Variants in AGPAT1 observed in about 807,000 individuals in gnomAD.
AGPAT1 encodes the protein 1-acyl-sn-glycerol-3-phosphate acyltransferase alpha.
A neutral mutation model predicts 31.2 loss-of-function variants in AGPAT1; 6 were observed. The ratio of observed to expected loss-of-function variants is 0.19; its 90% confidence interval spans 0.11 to 0.38. The LOEUF is 0.38. AGPAT1 is among the 10% of genes least tolerant of loss of function. The pLI, the probability that AGPAT1 is intolerant of heterozygous loss-of-function variation, is 1.00. For missense variants in AGPAT1, 187 were observed against 377.8 expected (o/e 0.49, Z 4.19); for synonymous variants, 139 against 154.0 (o/e 0.90, Z 0.72).
rs534240411 is a variant in AGPAT1, at chr6:32,170,907, G to A, written c.334+30C>T. ...GGTTTCAGGAGGGGAGGCATGGCTG[G>A]GGGAGGTGTGCCCTGTGGTGGGGTC... On this transcript the variant is annotated intron_variant, in intron 3 of 6. Coordinates refer to ENST00000375107, the MANE Select transcript of AGPAT1 (RefSeq NM_006411.4). This position sits in a 1 kb window ranked among gnomAD's most constrained non-coding sequence, Gnocchi z 7.7. The A allele has an allele frequency of 1.3e-6, 2 of 1,595,168 alleles. No individual in the cohort carries two copies. The highest frequency in any genetic ancestry group is 1.7e-6 in the Non-Finnish European group (2 of 1,167,168).
upstream of AGPAT1, chr6:32,176,576 C>T (rs1785583614): frequency 5.2e-6 from 5 of 967,880 alleles, no homozygotes; most frequent in Non-Finnish European, 6.1e-6. Context: ...CTCCATCTCA[C>T]TCTCCAGTCC....
In AGPAT1 at chr6:32,169,626, T is replaced by G. The variant is rs868556235; in HGVS notation, c.680-178A>C. 2.2e-5 allele frequency: 16 copies of G among 722,980 alleles called. No individual in the cohort carries two copies. The highest frequency in any genetic ancestry group is 2.2e-6 in the Non-Finnish European group (1 of 447,946). The allele number at this position is 722,980 out of a possible 1,614,324, so 44.8% of individuals were successfully genotyped here. ...GGCCCTTCTCCTATACAAAGCCTTC[T>G]CCAATCCCCAGTTCAGACATCTCCT... On this transcript the variant is annotated intron_variant, in intron 6 of 6. Transcript: ENST00000375107. The surrounding 1 kb of genome is among the most constrained non-coding windows in gnomAD (Gnocchi z 5.9).
rs1172106664 is a variant in AGPAT1, at chr6:32,170,652, G to A, written c.335-52C>T. ...ATCGGGGTGGAGGCAGAGTGTCACA[G>A]AAGGCAACCCACCTCACCCAGCTCA... On this transcript the variant is annotated intron_variant, in intron 3 of 6. Transcript: ENST00000375107. This position sits in a 1 kb window ranked among gnomAD's most constrained non-coding sequence, Gnocchi z 7.7. 1 of 1,587,992 alleles carries A rather than the reference G, an allele frequency of 6.3e-7. No homozygotes were observed. Among genetic ancestry groups the A allele is most frequent in the East Asian group, 2.2e-5 (1 of 44,762 alleles).
rs1196447090 is a variant in AGPAT1 at position 32,172,418 on chromosome 6, TA to T, written c.-9-914del. On this transcript the variant is annotated intron_variant, in intron 1 of 6. Coordinates refer to ENST00000375107, the MANE Select transcript of AGPAT1 (RefSeq NM_006411.4). The surrounding 1 kb of genome is among the most constrained non-coding windows in gnomAD (Gnocchi z 4.3). ...TTGCCTTGTAAAAATGTGGCTACCA[TA>T]AAAAAATTACATTGTGGCTTGCATT... Among the ~76,000 whole-genome samples, 4 of 151,938 alleles carry T rather than the reference TA, an allele frequency of 2.6e-5. No individual in the cohort carries two copies. Among genetic ancestry groups the T allele is most frequent in the Non-Finnish European group, 5.9e-5 (4 of 67,936 alleles).
In AGPAT1 at chr6:32,175,831, C is replaced by A; in HGVS notation, c.-27G>T. On this transcript the variant is annotated 5_prime_UTR_variant, in exon 1 of 7. Coordinates refer to ENST00000375107, the MANE Select transcript of AGPAT1 (RefSeq NM_006411.4). The surrounding 1 kb of genome is among the most constrained non-coding windows in gnomAD (Gnocchi z 4.5). Reference sequence around the variant, plus strand: ...GCCCACACCTCAGAGGGGTAGGGGGCCTGGGGGGCTGGCCCCCTCCCCAGC... The same window carrying A: ...GCCCACACCTCAGAGGGGTAGGGGGACTGGGGGGCTGGCCCCCTCCCCAGC... 2 of 986,066 alleles carry A rather than the reference C, an allele frequency of 2.0e-6. No individual in the cohort carries two copies. The highest frequency in any genetic ancestry group is 1.7e-5 in the African/African-American group (1 of 57,350). 61.1% of individuals were successfully genotyped at this position (986,066 alleles called of 1,614,324 possible). A position where few individuals can be genotyped will look rare whatever the true frequency, so the allele number is the denominator to read the frequency against.
chr6:32,177,044 CT>C (rs1785624847), upstream of AGPAT1: 5 of 398,650 alleles, frequency 1.3e-5, no homozygotes, highest in East Asian at 3.6e-5. Flanking sequence ...CAATATCTTC[CT>C]TCCTAAACCT....
Position 32,169,261 on chromosome 6 carries a change from G to A in AGPAT1, c.*15C>T, listed in dbSNP as rs372295310. 153 of 1,611,250 alleles carry A rather than the reference G, an allele frequency of 9.5e-5. No homozygotes were observed. The highest frequency in any genetic ancestry group is 1.3e-4 in the Non-Finnish European group (148 of 1,178,994). On this transcript the variant is annotated 3_prime_UTR_variant, in exon 7 of 7. Coordinates refer to ENST00000375107, the MANE Select transcript of AGPAT1 (RefSeq NM_006411.4). The surrounding 1 kb of genome is among the most constrained non-coding windows in gnomAD (Gnocchi z 5.9). ...GAAGATGGGGACAGATGGGAGGAGA[G>A]CTCAGAGCCAGGGTTCACCCACCGC...
In AGPAT1 at chr6:32,168,252, A is replaced by G. The variant is rs1802036; in HGVS notation, c.*1024T>C. On this transcript the variant is annotated 3_prime_UTR_variant, in exon 7 of 7. Coordinates refer to ENST00000375107, the MANE Select transcript of AGPAT1 (RefSeq NM_006411.4). This position sits in a 1 kb window ranked among gnomAD's most constrained non-coding sequence, Gnocchi z 4.5. ...ATTTTCAGTTTTTTTGCTGTTATCC[A>G]GATAATTAATAAAAACCAACCACGC... is the stretch of plus-strand genomic sequence containing the variant. The G allele has an allele frequency of 0.027, 11,318 of 424,496 alleles. 229 individuals carry two copies. The highest frequency in any genetic ancestry group is 0.049 in the South Asian group (1,001 of 20,332). The allele number at this position is 424,496 out of a possible 1,614,324, so 26.3% of individuals were successfully genotyped here. A position where few individuals can be genotyped will look rare whatever the true frequency, so the allele number is the denominator to read the frequency against.
In AGPAT1 at chr6:32,171,610, C is replaced by A. The variant is rs1785112695; in HGVS notation, c.-9-105G>T. ...GGGGCTGGTGCTATGAGGACAAGGG[C>A]CTGAGACACAAACTGGGGCAGGGGT... On this transcript the variant is annotated intron_variant, in intron 1 of 6. Transcript: ENST00000375107. The surrounding 1 kb of genome is among the most constrained non-coding windows in gnomAD (Gnocchi z 6.9). 2.8e-6 allele frequency: 4 copies of A among 1,438,550 alleles called. No homozygotes were observed. The highest frequency in any genetic ancestry group is 3.7e-6 in the Non-Finnish European group (4 of 1,072,588). 89.1% of individuals were successfully genotyped at this position (1,438,550 alleles called of 1,614,324 possible).
Position 32,171,711 on chromosome 6 carries a change from C to G in AGPAT1, c.-9-206G>C. ...AGAGCTCAGGACTGCTCTCCCACCACTCTTCCCAAAGGCTCCGGATATATT... is the reference window on the plus strand; with the variant it reads ...AGAGCTCAGGACTGCTCTCCCACCAGTCTTCCCAAAGGCTCCGGATATATT... On this transcript the variant is annotated intron_variant, in intron 1 of 6. Transcript: ENST00000375107. This position sits in a 1 kb window ranked among gnomAD's most constrained non-coding sequence, Gnocchi z 6.9. 1.6e-6 allele frequency: 1 copy of G among 637,158 alleles called. No individual in the cohort carries two copies. The allele number at this position is 637,158 out of a possible 1,614,324, so 39.5% of individuals were successfully genotyped here.
rs1387413803 is a variant in AGPAT1 at position 32,170,716 on chromosome 6, A to G, written c.335-116T>C. On this transcript the variant is annotated intron_variant, in intron 3 of 6. Transcript: ENST00000375107. The surrounding 1 kb of genome is among the most constrained non-coding windows in gnomAD (Gnocchi z 7.7). ...GGGACTGGAGGTGAAGGAGGAGACTAGGCAGGGAGGGGGGCCCCAAGTGAA... is the reference window on the plus strand; with the variant it reads ...GGGACTGGAGGTGAAGGAGGAGACTGGGCAGGGAGGGGGGCCCCAAGTGAA... The G allele has an allele frequency of 5.7e-6, 8 of 1,398,498 alleles. No individual in the cohort carries two copies. Among genetic ancestry groups the G allele is most frequent in the Non-Finnish European group, 8.0e-6 (8 of 1,005,372 alleles). 86.6% of individuals were successfully genotyped at this position (1,398,498 alleles called of 1,614,324 possible).
In AGPAT1 at chr6:32,173,948, G is replaced by A. The variant is rs1021318744; in HGVS notation, c.-10+1866C>T. On this transcript the variant is annotated intron_variant, in intron 1 of 6. Transcript: ENST00000375107. The surrounding 1 kb of genome is among the most constrained non-coding windows in gnomAD (Gnocchi z 4.7). ...GCTGGTTTTGAACTCCTGGACTCAC[G>A]CGATCCTCCTGCCTCAGCCTTCCAA... 7.2e-5 allele frequency among the ~76,000 whole-genome samples: 11 copies of A among 152,132 alleles called. No homozygotes were observed. Among genetic ancestry groups the A allele is most frequent in the African/African-American group, 2.7e-4 (11 of 41,424 alleles).
chr6:32,176,254 C>T (rs1785545428), upstream of AGPAT1: 2 of 684,504 alleles, frequency 2.9e-6, no homozygotes, highest in African/African-American at 3.9e-5. Flanking sequence ...CTCCCTCGGT[C>T]TTTGCCCCCA....
In AGPAT1 at chr6:32,169,419, C is replaced by T; in HGVS notation, c.709G>A (p.Val237Met). 6.2e-7 allele frequency: 1 copy of T among 1,612,670 alleles called. No individual in the cohort carries two copies. Among genetic ancestry groups the T allele is most frequent in the African/African-American group, 1.3e-5 (1 of 75,058 alleles). The change falls in exon 7 of 7, where the codon GTG (valine) becomes ATG (methionine). Residue 237 changes from valine (V) to methionine (M), a missense_variant. Val to Met is a conservative substitution (Grantham distance 21, BLOSUM62 1). Coordinates refer to ENST00000375107, the MANE Select transcript of AGPAT1 (RefSeq NM_006411.4). This position sits in a 1 kb window ranked among gnomAD's most constrained non-coding sequence, Gnocchi z 5.9. ...TCTGGTGTCAGCCCTTCCGTGGGCA[C>T]TGGGGGCAGCACCCGCACCTGACAT... ...GQCQVRVLPP[V>M]PTEGLTPDDV...
rs1784838551 is a variant in AGPAT1, at chr6:32,169,313, C to G, written c.815G>C (p.Gly272Ala). Residue 272 changes from glycine (G) to alanine (A), a missense_variant, in exon 7 of 7, where the codon GGT becomes GCT. Coordinates refer to ENST00000375107, the MANE Select transcript of AGPAT1 (RefSeq NM_006411.4). This position sits in a 1 kb window ranked among gnomAD's most constrained non-coding sequence, Gnocchi z 5.9. ...CCCAGGCTTCTTCAGATAGTCACCA[C>G]CACCCCGGCCATCAGTGGAGATTTC... Reference protein sequence around the residue: ...FREISTDGRGGGDYLKKPGGG... With the variant: ...FREISTDGRGAGDYLKKPGGG... The G allele has an allele frequency of 6.2e-7, 1 of 1,612,842 alleles. No individual in the cohort carries two copies. Among genetic ancestry groups the G allele is most frequent in the Non-Finnish European group, 8.5e-7 (1 of 1,179,958 alleles).
At position 32,170,808 on chromosome 6, in the gene AGPAT1, T is replaced by C. The variant is rs1785025589; in HGVS notation, c.334+129A>G. The C allele has an allele frequency of 7.5e-7, 1 of 1,327,584 alleles. No homozygotes were observed. The allele number at this position is 1,327,584 out of a possible 1,614,324, so 82.2% of individuals were successfully genotyped here. ...CAGTTCTACCCAGGGAATGAAGGCC[T>C]GAGTGGGAGGCAAGGGGGCAATGTC... On this transcript the variant is annotated intron_variant, in intron 3 of 6. Coordinates refer to ENST00000375107, the MANE Select transcript of AGPAT1 (RefSeq NM_006411.4). The surrounding 1 kb of genome is among the most constrained non-coding windows in gnomAD (Gnocchi z 7.7).
At chr6:32,177,428 C>T (rs3134947), upstream of AGPAT1, 45,047 of 248,238 alleles carry the variant, frequency 0.18, 4,553 homozygotes, top group Non-Finnish European at 0.21. Context: ...AGGGGTTGAG[C>T]CCAGAGCTTT....
rs751742661 is a variant in AGPAT1 at position 32,169,480 on chromosome 6, C to T, written c.680-32G>A. 11 of 1,605,772 alleles carry T rather than the reference C, an allele frequency of 6.9e-6. No individual in the cohort carries two copies. In the African/African-American group the frequency reaches 1.2e-4, roughly 18 times the overall value. ...CAAGGGGAGCACCATCATGGCCTGTCCACCCAGGTCTTTGCCCACAGGTGG... is the reference window on the plus strand; with the variant it reads ...CAAGGGGAGCACCATCATGGCCTGTTCACCCAGGTCTTTGCCCACAGGTGG... On this transcript the variant is annotated intron_variant, in intron 6 of 6. Transcript: ENST00000375107. The surrounding 1 kb of genome is among the most constrained non-coding windows in gnomAD (Gnocchi z 5.9).
At position 32,169,942 on chromosome 6, in the gene AGPAT1, C is replaced by T; in HGVS notation, c.679+24G>A. The T allele has an allele frequency of 6.2e-7, 1 of 1,604,806 alleles. No individual in the cohort carries two copies. The highest frequency in any genetic ancestry group is 8.5e-7 in the Non-Finnish European group (1 of 1,173,372). ...CCCAGCCTCTCCGGACACACCCTAC[C>T]CCAGAACTGCTCAAAGCCCTCACCC... On this transcript the variant is annotated intron_variant, in intron 6 of 6. Transcript: ENST00000375107. This position sits in a 1 kb window ranked among gnomAD's most constrained non-coding sequence, Gnocchi z 5.9.
Sources: allele counts gnomAD v4.1 joint callset (sites outside exome capture counted in the v4.1 genomes callset), GRCh38; gene constraint gnomAD v4.1.1; non-coding constraint Gnocchi (gnomAD v3.1); transcripts MANE v1.5; gene names NCBI Gene and HGNC (gene_info 2026-07-23, HGNC 2026-07-21).